Variants in CNPY2 observed in about 807,000 individuals in gnomAD.
CNPY2 encodes the protein canopy FGF signaling regulator 2.
Under a neutral mutation model 25.5 loss-of-function variants are expected in CNPY2, and 19 were observed. The observed-to-expected ratio is 0.74, with a 90% confidence interval of 0.52 to 1.09. The LOEUF (loss-of-function observed/expected upper bound fraction) is 1.09. Ranked by LOEUF, CNPY2 falls within the 50% of genes least tolerant of loss-of-function variation. The pLI is 0.00. For missense variants in CNPY2, 214 were observed against 233.6 expected, an observed-to-expected ratio of 0.92 and a Z score of 0.55; for synonymous variants, 82 against 85.0, an observed-to-expected ratio of 0.96 and a Z score of 0.19.
intron 3 of CNPY2, among the ~76,000 whole-genome samples, chr12:56,313,175 C>T (rs1192443456): frequency 1.3e-5 from 2 of 152,064 alleles, no homozygotes; most frequent in African/African-American, 4.8e-5. Flanking sequence ...CGTTCCCCTC[C>T]CTGTGTCCAT....
chr12:56,310,639 T>C (rs1455625995), intron 5 of CNPY2, 44 bp from the exon 6 acceptor site: 2 of 1,606,062 alleles, frequency 1.2e-6, no homozygotes, highest in African/African-American at 1.3e-5. Context: ...ATTCTCATAC[T>C]GATATCTGCC....
At position 56,310,528 on chromosome 12, in the gene CNPY2, G is replaced by A; in HGVS notation, c.*24C>T. On this transcript the variant is annotated 3_prime_UTR_variant, in exon 6 of 6. Transcript: ENST00000273308. The stretch of plus-strand genomic sequence containing the variant: ...TCCCCTCCTGGGGGTGATCCATCAA[G>A]CCAGTGTGGGCTGCTCCAGTGGTTC... The A allele has an allele frequency of 1.2e-6, 2 of 1,613,242 alleles. No individual in the cohort carries two copies. The highest frequency in any genetic ancestry group is 1.7e-5 in the Admixed American group (1 of 60,020).
intron 5 of CNPY2, 21 bp downstream of exon 5, chr12:56,310,937 G>T: frequency 6.2e-7 from 1 of 1,606,310 alleles, no homozygotes; most frequent in Non-Finnish European, 8.5e-7. Context: ...TAGAACAGGA[G>T]ATAAAGTGGG....
At chr12:56,314,506 G>GT in intron 3 of CNPY2, 3 of 1,148,832 alleles carry the variant, frequency 2.6e-6, no homozygotes, top group Non-Finnish European at 3.2e-6. Context: ...TCTTATTTCT[G>GT]TTTTTTCATT....
rs1873697534 is a variant in CNPY2 at position 56,310,964 on chromosome 12, G to T, written c.499C>A (p.Arg167=). Reference sequence around the variant, plus strand: ...TAAAGTGGGGGCAGCTTACCTGTTCGCTTACTGCAAAGTTTGTCTTTAACA... The same window carrying T: ...TAAAGTGGGGGCAGCTTACCTGTTCTCTTACTGCAAAGTTTGTCTTTAACA... ...DNVKDKLCSK[R]TDLCDHALHI... Residue 167 remains arginine, a synonymous_variant, in exon 5 of 6, where the codon CGA becomes AGA. Transcript: ENST00000273308. 6.2e-7 allele frequency: 1 copy of T among 1,613,932 alleles called. No individual in the cohort carries two copies. Among genetic ancestry groups the T allele is most frequent in the Middle Eastern group, 1.7e-4 (1 of 6,060 alleles).
intron 1 of CNPY2, 36 bp from the exon 2 acceptor site, chr12:56,315,278 A>G: frequency 7.6e-7 from 1 of 1,322,238 alleles, no homozygotes; most frequent in South Asian, 1.2e-5. Flanking sequence ...AAGTGTGAGG[A>G]GCCGACTCCA....
In CNPY2 at chr12:56,310,340, T is replaced by C; in HGVS notation, c.*212A>G. 1 of 608,368 alleles carries C rather than the reference T, an allele frequency of 1.6e-6. No individual in the cohort carries two copies. Among genetic ancestry groups the C allele is most frequent in the Middle Eastern group, 4.3e-4 (1 of 2,304 alleles). 37.7% of individuals were successfully genotyped at this position (608,368 alleles called of 1,614,324 possible). A position where few individuals can be genotyped will look rare whatever the true frequency, so the allele number is the denominator to read the frequency against. ...TCCTGTATCAATCCCAAAACTCTTC[T>C]TTCTCCTCCATTATCTTTCCTGTCT... is the stretch of plus-strand genomic sequence containing the variant. On this transcript the variant is annotated 3_prime_UTR_variant, in exon 6 of 6. Transcript: ENST00000273308.
intron 3 of CNPY2, 129 bp from the exon 4 acceptor site, chr12:56,311,543 T>A: frequency 1.0e-6 from 1 of 970,714 alleles, no homozygotes; most frequent in Non-Finnish European, 1.6e-6. Flanking sequence ...TGATTTTAAT[T>A]AGTTTTGTTT....
intron 5 of CNPY2, 76 bp downstream of exon 5, chr12:56,310,882 G>C: frequency 7.6e-7 from 1 of 1,316,606 alleles, no homozygotes; most frequent in Non-Finnish European, 1.1e-6. Context: ...TTCTGGGATG[G>C]GGGTGTATGG....
chr12:56,311,771 CA>C (rs1421203225), intron 3 of CNPY2: 1 of 346,180 alleles, frequency 2.9e-6, no homozygotes, highest in Non-Finnish European at 5.6e-6. Flanking sequence ...GGGCTGGTCT[CA>C]AACTCCAGAC....
upstream of CNPY2, chr12:56,316,025 G>C (rs1296076147): frequency 2.0e-5 from 3 of 152,466 alleles, no homozygotes; most frequent in Non-Finnish European, 4.4e-5. Context: ...TACCTAAGCG[G>C]GACTCCAGCG....
Position 56,310,380 on chromosome 12 carries a change from C to T in CNPY2, c.*172G>A. 1.5e-6 allele frequency: 1 copy of T among 658,264 alleles called. No individual in the cohort carries two copies. The highest frequency in any genetic ancestry group is 2.7e-6 in the Non-Finnish European group (1 of 374,936). 40.8% of individuals were successfully genotyped at this position (658,264 alleles called of 1,614,324 possible). ...CTTTCCTGTCTATATAACTCCTTAT[C>T]TTCAAGCTTAATGTAAGGGCAATTC... On this transcript the variant is annotated 3_prime_UTR_variant, in exon 6 of 6. Transcript: ENST00000273308.
intron 3 of CNPY2, among the ~76,000 whole-genome samples, chr12:56,312,222 CTT>C (rs56822059): frequency 7.4e-6 from 1 of 135,890 alleles, no homozygotes; most frequent in African/African-American, 3.1e-5. Context: ...CAAAGTACTT[CTT>C]TTTTTTTTTT....
At position 56,314,871 on chromosome 12, in the gene CNPY2, C is replaced by T. The variant is rs1165327609; in HGVS notation, c.184G>A (p.Gly62Ser). The change falls in exon 3 of 6, where the codon GGC becomes AGC. Residue 62 changes from glycine to serine, a missense_variant. By Grantham distance (56) the Gly-to-Ser change is moderately conservative (BLOSUM62 0). Coordinates refer to ENST00000273308, the MANE Select transcript of CNPY2 (RefSeq NM_014255.7). ...GTTACCTCCACCACTGACTGGCTGC[C>T]ATCTGGATTGATCCGGAAAGATCCC... ...QMGSFRINPD[G>S]SQSVVEVPYA... is the part of the protein sequence containing the mutation. 26 of 1,614,240 alleles carry T rather than the reference C, an allele frequency of 1.6e-5. No homozygotes were observed. The highest frequency in any genetic ancestry group is 2.0e-5 in the Non-Finnish European group (24 of 1,180,052).
intron 3 of CNPY2, chr12:56,311,746 TTC>T: frequency 2.8e-6 from 1 of 361,442 alleles, no homozygotes; most frequent in Non-Finnish European, 5.3e-6. Flanking sequence ...GAGATGGGGT[TTC>T]TCTGTGTTGG....
Position 56,309,857 on chromosome 12 carries a change from A to G in CNPY2, c.*695T>C, listed in dbSNP as rs554722756. On this transcript the variant is annotated 3_prime_UTR_variant, in exon 6 of 6. Transcript: ENST00000273308. ...ATTGACAATGGCTAGTGATAGATAC[A>G]CTTTATTGTTGCCACTGGCATCAAA... 1.4e-6 allele frequency: 1 copy of G among 699,320 alleles called. No individual in the cohort carries two copies. The allele number at this position is 699,320 out of a possible 1,614,324, so 43.3% of individuals were successfully genotyped here.
At position 56,311,571 on chromosome 12, in the gene CNPY2, G is replaced by A. The variant is rs1231782454; in HGVS notation, c.205-157C>T. On this transcript the variant is annotated intron_variant, in intron 3 of 5. Transcript: ENST00000273308. ...TTTTGTTTGTTTGTTTGTTTTTTGA[G>A]ATGGGGTTTTGCTCTTGTTGCCCAG... 15 of 834,688 alleles carry A rather than the reference G, an allele frequency of 1.8e-5. No individual in the cohort carries two copies. The Admixed American group carries it at 3.0e-4, about 17-fold the overall frequency. The allele number at this position is 834,688 out of a possible 1,614,324, so 51.7% of individuals were successfully genotyped here.
Position 56,311,827 on chromosome 12 carries a change from C to G in CNPY2, c.205-413G>C, listed in dbSNP as rs576825372. The G allele has an allele frequency of 2.9e-4, 75 of 258,994 alleles. No individual in the cohort carries two copies. In the South Asian group the frequency reaches 3.2e-3, roughly 11 times the overall value. 16.0% of individuals were successfully genotyped at this position (258,994 alleles called of 1,614,324 possible). A position where few individuals can be genotyped will look rare whatever the true frequency, so the allele number is the denominator to read the frequency against. On this transcript the variant is annotated intron_variant, in intron 3 of 5. Transcript: ENST00000273308. Reference sequence around the variant, plus strand: ...TCGGCATCCCAAAGTGCTGGGATTACAGACGTGAGCCACTGTGCCTGGCCT... The same window carrying G: ...TCGGCATCCCAAAGTGCTGGGATTAGAGACGTGAGCCACTGTGCCTGGCCT...
intron 3 of CNPY2, among the ~76,000 whole-genome samples, chr12:56,313,087 C>T (rs765933684): frequency 3.2e-4 from 48 of 152,136 alleles, no homozygotes; most frequent in Middle Eastern, 3.2e-3. Context: ...ACCCATCAAC[C>T]TGTCATCTAC....
Sources: allele counts gnomAD v4.1 joint callset (sites outside exome capture counted in the v4.1 genomes callset), GRCh38; gene constraint gnomAD v4.1.1; transcripts MANE v1.5; gene names NCBI Gene and HGNC (gene_info 2026-07-23, HGNC 2026-07-21).